The following POLR3G variants were observed in gnomAD, a reference collection of about 807,000 sequenced individuals.
POLR3G encodes DNA-directed RNA polymerase III subunit RPC7.
In POLR3G, 28 loss-of-function variants were observed where a neutral mutation model predicts 30.1. That is an observed-to-expected ratio of 0.93 (90% CI 0.69 to 1.27). The LOEUF is 1.27. Among genes scored for constraint, POLR3G ranks in the 50% most tolerant of loss-of-function variants. The probability of loss-of-function intolerance (pLI) is 0.00; values close to 1 mark genes in which losing one functional copy is unlikely to be tolerated. For missense variants in POLR3G, 254 were observed against 264.6 expected, an observed-to-expected ratio of 0.96 and a Z score of 0.28; for synonymous variants, 79 against 82.5, an observed-to-expected ratio of 0.96 and a Z score of 0.23.
At chr5:90,511,526 ATAGTCT>A (rs1375728842) in intron 7 of POLR3G, among the ~76,000 whole-genome samples, 2 of 152,120 alleles carry the variant, frequency 1.3e-5, no homozygotes, top group African/African-American at 4.8e-5. Context: ...TGCATGGATG[ATAGTCT>A]TATTCAGCCA....
intron 5 of POLR3G, among the ~76,000 whole-genome samples, chr5:90,500,101 C>G (rs1561255764): frequency 1.3e-5 from 2 of 152,054 alleles, no homozygotes. Flanking sequence ...GTCAGGATTT[C>G]CATTTGTTAA....
intron 7 of POLR3G, among the ~76,000 whole-genome samples, chr5:90,508,349 G>T (rs557175745): frequency 6.6e-6 from 1 of 151,190 alleles, no homozygotes; most frequent in African/African-American, 2.4e-5. Flanking sequence ...TTAATCAAGG[G>T]AGGAAATCCC....
chr5:90,494,970 A>G (rs1751912194), intron 3 of POLR3G, among the ~76,000 whole-genome samples: 1 of 152,212 alleles, frequency 6.6e-6, no homozygotes, highest in Non-Finnish European at 1.5e-5. Context: ...TACAAATTCT[A>G]GGAATCTCTC....
At chr5:90,506,994 C>T (rs918247447) in intron 7 of POLR3G, among the ~76,000 whole-genome samples, 3 of 152,146 alleles carry the variant, frequency 2.0e-5, no homozygotes, top group Non-Finnish European at 2.9e-5. Flanking sequence ...AAATTTAAGT[C>T]AGCAATTCAG....
rs1580225596 is a variant in POLR3G, at chr5:90,512,033, G to T, written c.586-20G>T. 2 of 1,489,850 alleles carry T rather than the reference G, an allele frequency of 1.3e-6. No individual in the cohort carries two copies. The highest frequency in any genetic ancestry group is 2.3e-5 in the East Asian group (1 of 44,218). 92.3% of individuals were successfully genotyped at this position (1,489,850 alleles called of 1,614,324 possible). ...CTCATTCATTTTAACGTTTACAAAG[G>T]AATATATCATTTCACTTAGGAAAAT... is the stretch of plus-strand genomic sequence containing the variant. On this transcript the variant is annotated intron_variant, in intron 7 of 7. Coordinates refer to ENST00000651687, the MANE Select transcript of POLR3G (RefSeq NM_006467.3).
upstream of POLR3G, chr5:90,474,301 G>C (rs566050806): frequency 1.2e-6 from 2 of 1,611,812 alleles, no homozygotes; most frequent in Admixed American, 3.3e-5. Context: ...ATGCTGGGCA[G>C]GGGTGCAGCC....
At position 90,506,228 on chromosome 5, in the gene POLR3G, C is replaced by A. The variant is rs12652604; in HGVS notation, c.439-300C>A. ...TGGGTGACAGAGCGAGACTTTCTCT[C>A]AAAAAAGAAGGTAGGAGATAAATTA... is the stretch of plus-strand genomic sequence containing the variant. On this transcript the variant is annotated intron_variant, in intron 6 of 7. Transcript: ENST00000651687. 1.9e-4 allele frequency among the ~76,000 whole-genome samples: 29 copies of A among 151,944 alleles called. No individual in the cohort carries two copies. In the East Asian group the frequency reaches 4.3e-3, roughly 22 times the overall value.
intron 1 of POLR3G, among the ~76,000 whole-genome samples, chr5:90,481,282 G>A (rs1751110068): frequency 6.6e-6 from 1 of 150,508 alleles, no homozygotes; most frequent in South Asian, 2.1e-4. Flanking sequence ...TGTTCATCTT[G>A]ATGTAATAGA....
chr5:90,502,212 C>T lies in POLR3G; in HGVS notation c.438+224C>T, dbSNP rs1752279565. 4.1e-6 allele frequency: 4 copies of T among 984,784 alleles called. No homozygotes were observed. In the South Asian group the frequency reaches 1.9e-4, roughly 46 times the overall value. 61.0% of individuals were successfully genotyped at this position (984,784 alleles called of 1,614,324 possible). A position where few individuals can be genotyped will look rare whatever the true frequency, so the allele number is the denominator to read the frequency against. ...TTACCACTCACCTGGCCACTTACCT[C>T]ACCTTCTGTCACCTCTTTCTTTTTC... On this transcript the variant is annotated intron_variant, in intron 6 of 7. Transcript: ENST00000651687.
rs1167974713 is a variant in POLR3G, at chr5:90,495,667, T to C, written c.248-10T>C. 3 of 1,600,750 alleles carry C rather than the reference T, an allele frequency of 1.9e-6. No homozygotes were observed. Among genetic ancestry groups the C allele is most frequent in the African/African-American group, 2.7e-5 (2 of 74,508 alleles). On this transcript the variant is annotated splice_polypyrimidine_tract_variant and intron_variant, in intron 3 of 7. Transcript: ENST00000651687. ...TTTCCTAATGAGTTCTTTATTCTTT[T>C]TTCCCCTAGATATTGAAAGGTATAG...
intron 1 of POLR3G, among the ~76,000 whole-genome samples, chr5:90,481,789 T>C (rs970532728): frequency 6.6e-6 from 1 of 152,180 alleles, no homozygotes; most frequent in African/African-American, 2.4e-5. Flanking sequence ...ATGTGAATGT[T>C]AGTTCTATAT....
At chr5:90,494,014 A>G (rs1751866625) in intron 3 of POLR3G, among the ~76,000 whole-genome samples, 1 of 152,002 alleles carries the variant, frequency 6.6e-6, no homozygotes, top group Non-Finnish European at 1.5e-5. Flanking sequence ...CCCAGCCACT[A>G]TCTAATTTTT....
At chr5:90,495,945 A>C (rs1022316529) in intron 4 of POLR3G, among the ~76,000 whole-genome samples, 5 of 151,214 alleles carry the variant, frequency 3.3e-5, no homozygotes, top group Non-Finnish European at 7.4e-5. Context: ...GAAGTTCTTA[A>C]AATATATATA....
intron 3 of POLR3G, among the ~76,000 whole-genome samples, 165 bp from the exon 4 acceptor site, chr5:90,495,512 C>T (rs1751938277): frequency 6.6e-6 from 1 of 152,156 alleles, no homozygotes; most frequent in Admixed American, 6.5e-5. Context: ...TCCATCCTTG[C>T]CTACCCCTAC....
intron 5 of POLR3G, among the ~76,000 whole-genome samples, chr5:90,499,045 G>A (rs140200272): frequency 1.6e-3 from 242 of 152,282 alleles, no homozygotes; most frequent in Middle Eastern, 0.014. Flanking sequence ...CAGAAGTTCA[G>A]TTCAAAGATG....
chr5:90,512,214 T>A lies in POLR3G; in HGVS notation c.*75T>A, dbSNP rs553671587. 1 of 948,630 alleles carries A rather than the reference T, an allele frequency of 1.1e-6. No individual in the cohort carries two copies. The highest frequency in any genetic ancestry group is 1.6e-5 in the African/African-American group (1 of 61,184). 58.8% of individuals were successfully genotyped at this position (948,630 alleles called of 1,614,324 possible). On this transcript the variant is annotated 3_prime_UTR_variant, in exon 8 of 8. Transcript: ENST00000651687. ...GGACAGACTTGATTTGTATTTTATT[T>A]CTGATAAGGAATAAGTACTTGTTTC...
Position 90,480,636 on chromosome 5 carries a change from T to G in POLR3G, c.-43-4889T>G, listed in dbSNP as rs567151322. Among the ~76,000 whole-genome samples, 3 of 152,316 alleles carry G rather than the reference T, an allele frequency of 2.0e-5. No individual in the cohort carries two copies. In the South Asian group the frequency reaches 6.2e-4, roughly 32 times the overall value. ...TTCCAGGGCCCACCTCCAAAGATTC[T>G]GGTATGGTAGGTTTGAGGGCTTGAA... On this transcript the variant is annotated intron_variant, in intron 1 of 7. Transcript: ENST00000651687.
intron 7 of POLR3G, among the ~76,000 whole-genome samples, chr5:90,510,459 T>G (rs921047248): frequency 6.6e-6 from 1 of 152,166 alleles, no homozygotes; most frequent in African/African-American, 2.4e-5. Context: ...GAGGTACTCA[T>G]GTCTAAAACA....
chr5:90,474,174 T>C (rs1750647302), upstream of POLR3G: 1 of 1,604,752 alleles, frequency 6.2e-7, no homozygotes, highest in Non-Finnish European at 8.5e-7. Flanking sequence ...CACCACGTCC[T>C]GCTCGGAGCC....
Sources: gnomAD v4.1 joint callset for allele counts (sites outside exome capture counted in the v4.1 genomes callset) on GRCh38, gnomAD v4.1.1 for gene constraint, MANE v1.5 for transcripts, NCBI Gene and HGNC (gene_info 2026-07-23, HGNC 2026-07-21) for gene names.